SRRM4: variants seen among roughly 807,000 people sequenced by gnomAD.
The protein encoded by SRRM4 is serine/arginine repetitive matrix 4.
Under a neutral mutation model 68.9 loss-of-function variants are expected in SRRM4, and 33 were observed. The ratio of observed to expected loss-of-function variants is 0.48; its 90% confidence interval spans 0.36 to 0.64. The LOEUF is 0.64. Among genes scored for constraint, SRRM4 ranks in the 30% least tolerant of loss-of-function variants. The pLI, the probability that SRRM4 is intolerant of heterozygous loss-of-function variation, is 0.00. For missense variants in SRRM4, 817 were observed against 827.1 expected (o/e 0.99, Z 0.15); for synonymous variants, 318 against 318.8 (o/e 1.00, Z 0.03).
At chr12:119,021,632 A>G (rs139183324) in intron 1 of SRRM4, among the ~76,000 whole-genome samples, 3 of 152,130 alleles carry the variant, frequency 2.0e-5, no homozygotes, top group African/African-American at 7.2e-5. Flanking sequence ...GTCCCCTCCC[A>G]CTAGGGACCC....
At position 119,161,198 on chromosome 12, in the gene SRRM4, A is replaced by G. The variant is rs1182629237; in HGVS notation, c.*4400A>G. The G allele has an allele frequency of 6.6e-6, 1 of 152,122 alleles. No individual in the cohort carries two copies. Among genetic ancestry groups the G allele is most frequent in the Admixed American group, 6.5e-5 (1 of 15,272 alleles). The allele number at this position is 152,122 out of a possible 1,614,324, so 9.4% of individuals were successfully genotyped here. A position where few individuals can be genotyped will look rare whatever the true frequency, so the allele number is the denominator to read the frequency against. On this transcript the variant is annotated 3_prime_UTR_variant, in exon 13 of 13. Coordinates refer to ENST00000267260, the MANE Select transcript of SRRM4 (RefSeq NM_194286.4). The stretch of plus-strand genomic sequence containing the variant: ...CTCTTCTTTTTCACAAATGTTCAAA[A>G]TGGTCTCATGCGCATGTGTCTTGCC...
intron 1 of SRRM4, among the ~76,000 whole-genome samples, chr12:119,055,895 G>T (rs890217778): frequency 6.6e-6 from 1 of 152,252 alleles, no homozygotes. Flanking sequence ...CACAGAGCAG[G>T]TGTAGGTGCC....
At chr12:119,153,321 TG>T (rs1221034642) in intron 10 of SRRM4, among the ~76,000 whole-genome samples, 46 of 152,274 alleles carry the variant, frequency 3.0e-4, no homozygotes, top group Middle Eastern at 3.4e-3. Flanking sequence ...AGCTAGTAAG[TG>T]GCCAGGATAG....
At chr12:119,015,869 C>T (rs1953477824) in intron 1 of SRRM4, among the ~76,000 whole-genome samples, 4 of 152,058 alleles carry the variant, frequency 2.6e-5, no homozygotes, top group Admixed American at 2.6e-4. Flanking sequence ...AATTATTGTG[C>T]TCTTGGGAAG....
chr12:118,984,652 A>G (rs1953271239), intron 1 of SRRM4, among the ~76,000 whole-genome samples: 1 of 152,222 alleles, frequency 6.6e-6, no homozygotes, highest in African/African-American at 2.4e-5. Flanking sequence ...ATTTCATAGC[A>G]ATATGCATAC....
In SRRM4 at chr12:119,102,246, C is replaced by A. The variant is rs1011723928; in HGVS notation, c.142C>A (p.Gln48Lys). 41 of 1,612,864 alleles carry A rather than the reference C, an allele frequency of 2.5e-5. No individual in the cohort carries two copies. The highest frequency in any genetic ancestry group is 3.3e-5 in the Non-Finnish European group (39 of 1,179,424). The change falls in exon 2 of 13, where the codon CAG becomes AAG. Residue 48 changes from glutamine (Q) to lysine (K), a missense_variant. Physicochemically the swap from Gln to Lys is moderately conservative, Grantham distance 53. Transcript: ENST00000267260. ...ARKPLPRTEP[Q>K]NNPVVPAQDG... ...TTTCTTCTTCTGTAGGACAGAGCCC[C>A]AGAATAACCCCGTTGTCCCAGCTCA...
At chr12:119,018,155 T>A (rs990363018) in intron 1 of SRRM4, among the ~76,000 whole-genome samples, 4 of 152,150 alleles carry the variant, frequency 2.6e-5, no homozygotes, top group African/African-American at 4.8e-5. Flanking sequence ...GAAAGTCAAC[T>A]CCCAAGGAGA....
chr12:119,112,497 C>T (rs751945918), intron 2 of SRRM4, among the ~76,000 whole-genome samples: 8 of 152,226 alleles, frequency 5.3e-5, no homozygotes, highest in Non-Finnish European at 7.4e-5. Flanking sequence ...GATACATGCA[C>T]GCATATGTTC....
chr12:119,076,475 A>G (rs968451922), intron 1 of SRRM4, among the ~76,000 whole-genome samples: 1 of 152,178 alleles, frequency 6.6e-6, no homozygotes, highest in Admixed American at 6.5e-5. Context: ...TGCCATTCAC[A>G]TGGCTTTGTC....
rs377167435 is a variant in SRRM4 at position 119,105,592 on chromosome 12, G to T, written c.278+3210G>T. ...CCCGTGATGATGAGCATTTTTTCAT[G>T]TGTCTGTTGGCTGCATAAATGTCTT... On this transcript the variant is annotated intron_variant, in intron 2 of 12. Coordinates refer to ENST00000267260, the MANE Select transcript of SRRM4 (RefSeq NM_194286.4). 2.0e-5 allele frequency among the ~76,000 whole-genome samples: 3 copies of T among 152,270 alleles called. No homozygotes were observed. The East Asian group carries it at 5.8e-4, about 29-fold the overall frequency.
At chr12:119,002,060 T>G (rs1953387983) in intron 1 of SRRM4, among the ~76,000 whole-genome samples, 1 of 151,950 alleles carries the variant, frequency 6.6e-6, no homozygotes, top group South Asian at 2.1e-4. Context: ...CCAGGTCTGA[T>G]TCTATAGCCT....
At chr12:119,041,594 A>C (rs1022275625) in intron 1 of SRRM4, among the ~76,000 whole-genome samples, 1 of 152,236 alleles carries the variant, frequency 6.6e-6, no homozygotes, top group Non-Finnish European at 1.5e-5. Context: ...GTTGAAAAGC[A>C]GAGTCAGGTG....
At chr12:119,013,339 T>C (rs984446760) in intron 1 of SRRM4, among the ~76,000 whole-genome samples, 5 of 152,224 alleles carry the variant, frequency 3.3e-5, no homozygotes, top group African/African-American at 1.2e-4. Context: ...GAACCAGGGT[T>C]AAGATTCAAA....
chr12:119,155,284 G>A (rs1954465025), intron 12 of SRRM4, among the ~76,000 whole-genome samples: 1 of 152,228 alleles, frequency 6.6e-6, no homozygotes, highest in Admixed American at 6.5e-5. Context: ...GCTGCCCTAA[G>A]ATTGGGTTGG....
chr12:119,111,527 C>G (rs1954143416), intron 2 of SRRM4, among the ~76,000 whole-genome samples: 1 of 152,186 alleles, frequency 6.6e-6, no homozygotes, highest in Non-Finnish European at 1.5e-5. Context: ...TAGGCTCTTT[C>G]CTCATTTTGT....
chr12:119,132,575 A>G (rs1165091970), intron 8 of SRRM4, among the ~76,000 whole-genome samples: 1 of 152,184 alleles, frequency 6.6e-6, no homozygotes, highest in East Asian at 1.9e-4. Context: ...AGATGTTACA[A>G]AAAGCTGGGT....
intron 1 of SRRM4, among the ~76,000 whole-genome samples, chr12:119,089,662 G>A (rs1400649913): frequency 6.6e-6 from 1 of 152,192 alleles, no homozygotes; most frequent in Non-Finnish European, 1.5e-5. Context: ...TGGAGCTGCA[G>A]AGTTGGAGTC....
chr12:118,989,498 T>C (rs1379399447), intron 1 of SRRM4, among the ~76,000 whole-genome samples: 1 of 152,098 alleles, frequency 6.6e-6, no homozygotes, highest in East Asian at 1.9e-4. Context: ...CTGCTCTTTC[T>C]GTCTCTCTCC....
Position 119,077,901 on chromosome 12 carries a change from C to T in SRRM4, c.132-24335C>T, listed in dbSNP as rs1018078442. Among the ~76,000 whole-genome samples the T allele has an allele frequency of 2.0e-5, 3 of 152,224 alleles. No individual in the cohort carries two copies. In the East Asian group the frequency reaches 5.8e-4, roughly 29 times the overall value. On this transcript the variant is annotated intron_variant, in intron 1 of 12. Transcript: ENST00000267260. Reference sequence around the variant, plus strand: ...CTCTCCCCAACACTATAAAGTGGACCTTTTCCAGATGCCCCACATATAGGG... The same window carrying T: ...CTCTCCCCAACACTATAAAGTGGACTTTTTCCAGATGCCCCACATATAGGG...
Sources: gnomAD v4.1 joint callset for allele counts (sites outside exome capture counted in the v4.1 genomes callset) on GRCh38, gnomAD v4.1.1 for gene constraint, MANE v1.5 for transcripts, NCBI Gene and HGNC (gene_info 2026-07-23, HGNC 2026-07-21) for gene names.